Variants in ZNF140 observed in about 807,000 individuals in gnomAD.
ZNF140 encodes zinc finger protein 140 (clone pHZ-39).
Under a neutral mutation model 12.9 loss-of-function variants are expected in ZNF140, and 13 were observed. The ratio of observed to expected loss-of-function variants is 1.01; its 90% CI spans 0.66 to 1.60. The LOEUF is 1.60. Among genes scored for constraint, ZNF140 ranks in the 40% most tolerant of loss-of-function variants. The pLI is 0.00. For missense variants in ZNF140, 531 were observed against 548.8 expected, an observed-to-expected ratio of 0.97 and a Z score of 0.32; for synonymous variants, 214 against 186.7, an observed-to-expected ratio of 1.15 and a Z score of -1.19.
chr12:133,085,546 C>G (rs1182178031), intron 4 of ZNF140, among the ~76,000 whole-genome samples: 1 of 152,132 alleles, frequency 6.6e-6, no homozygotes, highest in Non-Finnish European at 1.5e-5. Flanking sequence ...CTCATCCTAA[C>G]CCTCCAATAA....
At chr12:133,104,428 C>T (rs1470879262) in intron 4 of ZNF140, among the ~76,000 whole-genome samples, 9 of 151,632 alleles carry the variant, frequency 5.9e-5, no homozygotes, top group East Asian at 1.9e-4. Context: ...CTCGGTTCAC[C>T]GCAACCTCTG....
In ZNF140 at chr12:133,093,589, C is replaced by T; in HGVS notation, c.232+10028C>T. ...CCCCATGTTATCACCTTCCCTATTT[C>T]CCATGTTTTATTTTTGTTGTCTTTC... On this transcript the variant is annotated intron_variant, in intron 4 of 4. Coordinates refer to ENST00000355557, the MANE Select transcript of ZNF140 (RefSeq NM_003440.4). 3.1e-6 allele frequency: 2 copies of T among 644,138 alleles called. 1 individual carries two copies. The highest frequency in any genetic ancestry group is 3.3e-5 in the South Asian group (2 of 59,740). The allele number at this position is 644,138 out of a possible 1,614,324, so 39.9% of individuals were successfully genotyped here.
At chr12:133,102,610 G>A (rs1187788436) in intron 4 of ZNF140, among the ~76,000 whole-genome samples, 3 of 152,126 alleles carry the variant, frequency 2.0e-5, no homozygotes, top group Middle Eastern at 3.4e-3. Flanking sequence ...TTAGCCAGGC[G>A]TGGCAGCGTG....
At chr12:133,084,665 A>T (rs1954616084) in intron 4 of ZNF140, among the ~76,000 whole-genome samples, 2 of 152,254 alleles carry the variant, frequency 1.3e-5, no homozygotes, top group African/African-American at 4.8e-5. Flanking sequence ...CTTCTATAGC[A>T]CATGTTTAAT....
chr12:133,101,295 A>G (rs1399482727), intron 4 of ZNF140, among the ~76,000 whole-genome samples: 2 of 151,976 alleles, frequency 1.3e-5, no homozygotes, highest in Non-Finnish European at 2.9e-5. Context: ...TGTTATGCGT[A>G]TATTACATCA....
intron 4 of ZNF140, among the ~76,000 whole-genome samples, chr12:133,089,231 G>A (rs1405752164): frequency 1.2e-4 from 18 of 146,250 alleles, no homozygotes; most frequent in Admixed American, 3.4e-4. Context: ...TTTTTTTTTC[G>A]AGGCAGGGTC....
At position 133,081,283 on chromosome 12, in the gene ZNF140, T is replaced by TTA; in HGVS notation, c.-37_-36dup. On this transcript the variant is annotated 5_prime_UTR_variant, in exon 2 of 5. Transcript: ENST00000355557. ...TTCTCTCTCTGCCAGGTCTGCCATT[T>TTA]TACACTTTTCTGATCTCCTCCTTCC... 1 of 1,545,136 alleles carries TTA rather than the reference T, an allele frequency of 6.5e-7. No individual in the cohort carries two copies. The highest frequency in any genetic ancestry group is 1.1e-5 in the South Asian group (1 of 89,308).
intron 2 of ZNF140, 116 bp from the exon 3 acceptor site, chr12:133,082,987 C>G: frequency 1.4e-6 from 2 of 1,480,706 alleles, no homozygotes; most frequent in South Asian, 2.6e-5. Flanking sequence ...TGAAAACTCT[C>G]ACTGTTACTA....
At chr12:133,103,686 T>G (rs1213419740) in intron 4 of ZNF140, among the ~76,000 whole-genome samples, 1 of 152,218 alleles carries the variant, frequency 6.6e-6, no homozygotes, top group Non-Finnish European at 1.5e-5. Context: ...AGTGGATTTT[T>G]AAATCTTATC....
At chr12:133,088,133 A>G (rs1954738011) in intron 4 of ZNF140, among the ~76,000 whole-genome samples, 1 of 151,984 alleles carries the variant, frequency 6.6e-6, no homozygotes, top group African/African-American at 2.4e-5. Context: ...GTCTAAAAAA[A>G]AAAAAGAAAG....
At chr12:133,092,850 C>G (rs1442549577) in intron 4 of ZNF140, among the ~76,000 whole-genome samples, 1 of 151,098 alleles carries the variant, frequency 6.6e-6, no homozygotes, top group East Asian at 1.9e-4. Context: ...TTTTGTAGTA[C>G]CACTGCAGTA....
At chr12:133,100,660 A>C (rs1418017546) in intron 4 of ZNF140, among the ~76,000 whole-genome samples, 3 of 152,178 alleles carry the variant, frequency 2.0e-5, no homozygotes, top group Non-Finnish European at 4.4e-5. Flanking sequence ...AAGAAATTTC[A>C]CATTTTCCCA....
intron 4 of ZNF140, among the ~76,000 whole-genome samples, chr12:133,092,612 C>G (rs989463026): frequency 4.6e-5 from 7 of 151,232 alleles, no homozygotes; most frequent in Admixed American, 6.6e-5. Flanking sequence ...AACAACAGGA[C>G]TAACTAACTT....
At chr12:133,088,549 T>G (rs1328124199) in intron 4 of ZNF140, among the ~76,000 whole-genome samples, 1 of 152,244 alleles carries the variant, frequency 6.6e-6, no homozygotes, top group Non-Finnish European at 1.5e-5. Flanking sequence ...TTTGACAATT[T>G]TGAATAAAGC....
Position 133,083,107 on chromosome 12 carries a change from C to A in ZNF140, c.14C>A (p.Ser5Ter). 6.2e-7 allele frequency: 1 copy of A among 1,614,156 alleles called. No individual in the cohort carries two copies. The highest frequency in any genetic ancestry group is 1.1e-5 in the South Asian group (1 of 91,060). MSQG[S>*]VTFRDVAIDF... ...AATATCTGTCCGTCATTTCAGGGGT[C>A]AGTGACATTCAGAGATGTGGCCATA... Residue 5 changes from serine (S) to a stop codon, truncating the protein, a stop_gained, in exon 3 of 5, where the codon TCA becomes TAA. Transcript: ENST00000355557. LOFTEE classifies it high-confidence loss of function.
In ZNF140 at chr12:133,106,842, C is replaced by G. The variant is rs1955618429; in HGVS notation, c.*191C>G. 4.3e-6 allele frequency: 2 copies of G among 461,520 alleles called. No individual in the cohort carries two copies. Among genetic ancestry groups the G allele is most frequent in the African/African-American group, 2.0e-5 (1 of 49,392 alleles). 28.6% of individuals were successfully genotyped at this position (461,520 alleles called of 1,614,324 possible). A position where few individuals can be genotyped will look rare whatever the true frequency, so the allele number is the denominator to read the frequency against. On this transcript the variant is annotated 3_prime_UTR_variant, in exon 5 of 5. Coordinates refer to ENST00000355557, the MANE Select transcript of ZNF140 (RefSeq NM_003440.4). The stretch of plus-strand genomic sequence containing the variant: ...TATGTGGAAAAGCCATTAATAACCA[C>G]TCTTTTATTTTTTTGCAATAACAAG...
At chr12:133,082,712 C>T (rs1302364995) in intron 2 of ZNF140, 34 of 164,738 alleles carry the variant, frequency 2.1e-4, no homozygotes, top group Middle Eastern at 3.0e-3. Flanking sequence ...GAATTATTAC[C>T]CTGAAGAAAT....
chr12:133,081,552 T>C, intron 2 of ZNF140: 1 of 456,216 alleles, frequency 2.2e-6, no homozygotes, highest in Non-Finnish European at 4.4e-6. Context: ...GTGGCTTTCT[T>C]TCTCCTACAA....
Position 133,086,663 on chromosome 12 carries a change from ATCTTT to A in ZNF140, c.232+3109_232+3113del, listed in dbSNP as rs1277116557. On this transcript the variant is annotated intron_variant, in intron 4 of 4. Transcript: ENST00000355557. Reference sequence around the variant, plus strand: ...AATTTTAGTGTAGTCAGATGTATCAATCTTTTCTTTTATGTTTAGTATTTTTTTAG... The same window carrying A: ...AATTTTAGTGTAGTCAGATGTATCAATCTTTTATGTTTAGTATTTTTTTAG... Among the ~76,000 whole-genome samples, 13 of 152,222 alleles carry A rather than the reference ATCTTT, an allele frequency of 8.5e-5. No individual in the cohort carries two copies. The South Asian group carries it at 1.0e-3, about 12-fold the overall frequency.
Sources: allele counts gnomAD v4.1 joint callset (sites outside exome capture counted in the v4.1 genomes callset), GRCh38; gene constraint gnomAD v4.1.1; transcripts MANE v1.5; gene names NCBI Gene and HGNC (gene_info 2026-07-23, HGNC 2026-07-21).